The following TBCK variants were observed in gnomAD, a reference collection of about 807,000 sequenced individuals.
TBCK encodes TBC1 domain containing kinase.
In TBCK, 99 loss-of-function variants were observed where a neutral mutation model predicts 113.4. That is an observed-to-expected ratio of 0.87 (90% CI 0.74 to 1.03). The LOEUF is 1.03. Among genes scored for constraint, TBCK ranks in the 50% least tolerant of loss-of-function variants. TBCK has a pLI of 0.00. For missense variants in TBCK, 1,045 were observed against 1,061.3 expected (o/e 0.98, Z 0.21); for synonymous variants, 369 against 370.8 (o/e 1.00, Z 0.05).
intron 23 of TBCK, among the ~76,000 whole-genome samples, chr4:106,125,471 A>G (rs1429728912): frequency 6.6e-6 from 1 of 152,202 alleles, no homozygotes; most frequent in Non-Finnish European, 1.5e-5. Flanking sequence ...ACTGCACTCC[A>G]GCCTGGATAA....
intron 20 of TBCK, among the ~76,000 whole-genome samples, chr4:106,195,202 T>G (rs1437235597): frequency 2.6e-5 from 4 of 152,116 alleles, no homozygotes; most frequent in African/African-American, 7.2e-5. Context: ...CAAAGGTTTT[T>G]CTTTTAACAT....
chr4:106,209,860 A>T (rs2149878349), intron 20 of TBCK, among the ~76,000 whole-genome samples: 1 of 152,260 alleles, frequency 6.6e-6, no homozygotes, highest in African/African-American at 2.4e-5. Context: ...ATTTTCAAAA[A>T]TATCTGAAAA....
Position 106,113,115 on chromosome 4 carries a change from T to C in TBCK, c.2411+3088A>G, listed in dbSNP as rs188168815. 1.4e-4 allele frequency among the ~76,000 whole-genome samples: 22 copies of C among 152,366 alleles called. No individual in the cohort carries two copies. The East Asian group carries it at 4.1e-3, about 28-fold the overall frequency. ...AGTCCACCCGATATGTCATTAAACA[T>C]CGTCTTTTAACTTTTGCATTTATGG... On this transcript the variant is annotated intron_variant, in intron 24 of 25. Transcript: ENST00000394708.
intron 7 of TBCK, among the ~76,000 whole-genome samples, chr4:106,250,019 A>C (rs1761253071): frequency 1.3e-5 from 2 of 152,092 alleles, no homozygotes; most frequent in Admixed American, 1.3e-4. Context: ...ATAAGGAAAA[A>C]TCAATATTCT....
chr4:106,181,338 A>G (rs1752355414), intron 22 of TBCK, among the ~76,000 whole-genome samples: 1 of 152,148 alleles, frequency 6.6e-6, no homozygotes, highest in African/African-American at 2.4e-5. Context: ...CTCTGATGAT[A>G]GATTCTTTTG....
At chr4:106,106,477 A>T (rs1742176163) in intron 24 of TBCK, among the ~76,000 whole-genome samples, 1 of 152,212 alleles carries the variant, frequency 6.6e-6, no homozygotes, top group African/African-American at 2.4e-5. Flanking sequence ...AGAAGAGATT[A>T]GGGGCCTATA....
At chr4:106,088,643 T>C (rs1399517350) in intron 25 of TBCK, among the ~76,000 whole-genome samples, 1 of 152,072 alleles carries the variant, frequency 6.6e-6, no homozygotes, top group African/African-American at 2.4e-5. Flanking sequence ...AGACACATAC[T>C]CATGTATATT....
chr4:106,286,508 C>T (rs964293113), intron 3 of TBCK, among the ~76,000 whole-genome samples: 36 of 152,016 alleles, frequency 2.4e-4, no homozygotes, highest in Admixed American at 2.2e-3. Flanking sequence ...TTATATAATA[C>T]AATTCAAAGT....
chr4:106,213,090 A>G (rs1756358238), intron 19 of TBCK, among the ~76,000 whole-genome samples: 1 of 152,196 alleles, frequency 6.6e-6, no homozygotes, highest in South Asian at 2.1e-4. Context: ...TGTACACATG[A>G]TAAATAATGT....
chr4:106,060,397 C>T (rs2149459604), intron 25 of TBCK, among the ~76,000 whole-genome samples: 1 of 151,740 alleles, frequency 6.6e-6, no homozygotes, highest in Admixed American at 6.6e-5. Flanking sequence ...ATCCTAGGGC[C>T]CTTAAGAATT....
chr4:106,280,326 T>A (rs1340172257), intron 3 of TBCK, among the ~76,000 whole-genome samples: 1 of 152,128 alleles, frequency 6.6e-6, no homozygotes, highest in Non-Finnish European at 1.5e-5. Flanking sequence ...TATAATCTAG[T>A]TATTAGCCCC....
At chr4:106,256,935 T>C (rs1762056801) in intron 5 of TBCK, among the ~76,000 whole-genome samples, 1 of 151,928 alleles carries the variant, frequency 6.6e-6, no homozygotes, top group African/African-American at 2.4e-5. Flanking sequence ...CCATCTCAAT[T>C]AGAAAAAAAA....
intron 19 of TBCK, among the ~76,000 whole-genome samples, chr4:106,228,610 G>A (rs1445836824): frequency 2.0e-5 from 3 of 151,952 alleles, no homozygotes; most frequent in Non-Finnish European, 4.4e-5. Flanking sequence ...ACTCCATTGT[G>A]TATTAAGTGC....
intron 25 of TBCK, among the ~76,000 whole-genome samples, chr4:106,066,459 C>A: frequency 6.6e-6 from 1 of 151,808 alleles, no homozygotes; most frequent in Non-Finnish European, 1.5e-5. Context: ...CTCAGATAAG[C>A]GGGTGATATT....
intron 23 of TBCK, among the ~76,000 whole-genome samples, chr4:106,122,122 C>A (rs897119587): frequency 6.6e-6 from 1 of 151,648 alleles, no homozygotes; most frequent in Non-Finnish European, 1.5e-5. Flanking sequence ...ATTGATAGAC[C>A]GCTAGCAAGA....
chr4:106,045,329 G>C lies in TBCK; in HGVS notation c.*1241C>G, dbSNP rs1367835364. On this transcript the variant is annotated 3_prime_UTR_variant, in exon 26 of 26. Transcript: ENST00000394708. ...GAATGTGTCTTTTAATTGACAAAGT[G>C]TCACAATTCATTTGGCTTCATTTTT... The C allele has an allele frequency of 6.6e-6, 1 of 152,036 alleles. No individual in the cohort carries two copies. The highest frequency in any genetic ancestry group is 1.5e-5 in the Non-Finnish European group (1 of 68,024). The allele number at this position is 152,036 out of a possible 1,614,324, so 9.4% of individuals were successfully genotyped here. A position where few individuals can be genotyped will look rare whatever the true frequency, so the allele number is the denominator to read the frequency against.
rs543225916 is a variant in TBCK, at chr4:106,279,551, T to C, written c.266+15543A>G. Among the ~76,000 whole-genome samples, 3 of 152,280 alleles carry C rather than the reference T, an allele frequency of 2.0e-5. No homozygotes were observed. The South Asian group carries it at 6.2e-4, about 32-fold the overall frequency. On this transcript the variant is annotated intron_variant, in intron 3 of 25. Coordinates refer to ENST00000394708, the MANE Select transcript of TBCK (RefSeq NM_001163435.3). Reference sequence around the variant, plus strand: ...TTGTGCTATTAAATACCAGATCTTATTCATTCTAATTATGTTTTTGTACTG... The same window carrying C: ...TTGTGCTATTAAATACCAGATCTTACTCATTCTAATTATGTTTTTGTACTG...
chr4:106,205,063 C>T (rs1755314316), intron 20 of TBCK, among the ~76,000 whole-genome samples: 1 of 152,092 alleles, frequency 6.6e-6, no homozygotes, highest in Non-Finnish European at 1.5e-5. Context: ...CCGCGCCCGG[C>T]CCAAACAATG....
At chr4:106,201,130 C>G (rs1030139857) in intron 20 of TBCK, among the ~76,000 whole-genome samples, 1 of 151,858 alleles carries the variant, frequency 6.6e-6, no homozygotes, top group Admixed American at 6.6e-5. Context: ...GAATAAATAT[C>G]TTTAATATAA....
Sources: gnomAD v4.1 joint callset for allele counts (sites outside exome capture counted in the v4.1 genomes callset) on GRCh38, gnomAD v4.1.1 for gene constraint, MANE v1.5 for transcripts, NCBI Gene and HGNC (gene_info 2026-07-23, HGNC 2026-07-21) for gene names.